The following PCNT variants were observed in gnomAD, a reference collection of about 807,000 sequenced individuals.
PCNT encodes pericentrin, also known as kendrin.
In PCNT, 319 loss-of-function variants were observed where a neutral mutation model predicts 380.4. The ratio of observed to expected loss-of-function variants is 0.84; its 90% confidence interval spans 0.77 to 0.92. The LOEUF (loss-of-function observed/expected upper bound fraction) is 0.92. PCNT is among the 40% of genes least tolerant of loss of function. PCNT has a pLI of 0.00. For missense variants in PCNT, 4,400 were observed against 4,255.3 expected, an observed-to-expected ratio of 1.03 and a Z score of -0.95; for synonymous variants, 1,845 against 1,735.2, an observed-to-expected ratio of 1.06 and a Z score of -1.57.
In PCNT at chr21:46,393,295, T is replaced by C. The variant is rs560573870; in HGVS notation, c.4216+1919T>C. On this transcript the variant is annotated intron_variant, in intron 21 of 46. Coordinates refer to ENST00000359568, the MANE Select transcript of PCNT (RefSeq NM_006031.6). ...GTTTCTTTTCCTTTGACGCCCTCGTTTTCCTGCATCTCCTCAGGATTTTTC... is the reference window on the plus strand; with the variant it reads ...GTTTCTTTTCCTTTGACGCCCTCGTCTTCCTGCATCTCCTCAGGATTTTTC... Among the ~76,000 whole-genome samples, 3 of 152,338 alleles carry C rather than the reference T, an allele frequency of 2.0e-5. No homozygotes were observed. The South Asian group carries it at 6.2e-4, about 32-fold the overall frequency.
Position 46,354,026 on chromosome 21 carries a change from A to G in PCNT, c.1719A>G (p.Gly573=). ...GTTTAGAAGAGAAACCTGAGAAAGG[A>G]AGAAAAGATCACGTTGATGAACTCG... ...CVGLEEKPEK[G]RKDHVDELEP... The change falls in exon 11 of 47, where the codon GGA becomes GGG. Residue 573 remains glycine (G), a synonymous_variant. Coordinates refer to ENST00000359568, the MANE Select transcript of PCNT (RefSeq NM_006031.6). 1.9e-6 allele frequency: 3 copies of G among 1,614,154 alleles called. No individual in the cohort carries two copies. Among genetic ancestry groups the G allele is most frequent in the Non-Finnish European group, 2.5e-6 (3 of 1,179,998 alleles).
chr21:46,362,564 T>G (rs1316579118), intron 13 of PCNT, among the ~76,000 whole-genome samples: 1 of 152,100 alleles, frequency 6.6e-6, no homozygotes, highest in Non-Finnish European at 1.5e-5. Flanking sequence ...GGAGTTGAGG[T>G]CAATCTTACG....
rs149949585 is a variant in PCNT at position 46,349,180 on chromosome 21, G to T, written c.1201G>T (p.Ala401Ser). The T allele has an allele frequency of 6.2e-7, 1 of 1,613,408 alleles. No homozygotes were observed. The highest frequency in any genetic ancestry group is 1.3e-5 in the African/African-American group (1 of 75,032). Residue 401 changes from alanine (A) to serine (S), a missense_variant, in exon 7 of 47, where the codon GCT (alanine) becomes TCT (serine). Transcript: ENST00000359568. ...GAAGATTTTTCAAGACAAAAACCAG[G>T]CTGAACGTAAGTAATGAAAATGAGC... ...LEKIFQDKNQAERALRNLESH... is the reference protein window; with the variant it reads ...LEKIFQDKNQSERALRNLESH...
chr21:46,335,715 C>T lies in PCNT; in HGVS notation c.639+947C>T, dbSNP rs572732276. On this transcript the variant is annotated intron_variant, in intron 3 of 46. Coordinates refer to ENST00000359568, the MANE Select transcript of PCNT (RefSeq NM_006031.6). Reference sequence around the variant, plus strand: ...TTTTTTTTTTTTTTTTAAATAGAGACGGAGTCTTGCTCTATTGCCCAGGCT... The same window carrying T: ...TTTTTTTTTTTTTTTTAAATAGAGATGGAGTCTTGCTCTATTGCCCAGGCT... 1.5e-4 allele frequency among the ~76,000 whole-genome samples: 22 copies of T among 146,244 alleles called. 1 individual carries two copies. The South Asian group carries it at 4.3e-3, about 29-fold the overall frequency.
At chr21:46,337,029 G>T (rs1304516339) in intron 3 of PCNT, among the ~76,000 whole-genome samples, 1 of 150,998 alleles carries the variant, frequency 6.6e-6, no homozygotes, top group African/African-American at 2.4e-5. Flanking sequence ...AGACAGTCTC[G>T]CTCTGTTGCC....
Position 46,445,689 on chromosome 21 carries a change from A to G in PCNT, c.*362A>G. 2 of 225,668 alleles carry G rather than the reference A, an allele frequency of 8.9e-6. No individual in the cohort carries two copies. The highest frequency in any genetic ancestry group is 1.2e-4 in the South Asian group (1 of 8,556). 14.0% of individuals were successfully genotyped at this position (225,668 alleles called of 1,614,324 possible). A position where few individuals can be genotyped will look rare whatever the true frequency, so the allele number is the denominator to read the frequency against. On this transcript the variant is annotated 3_prime_UTR_variant, in exon 47 of 47. Transcript: ENST00000359568. ...TGTTTTGTTTATTTTCTTAACGTGT[A>G]CAGATGGAAACTTCATTTAAAAATA... is the stretch of plus-strand genomic sequence containing the variant.
In PCNT at chr21:46,425,784, G is replaced by A. The variant is rs551026492; in HGVS notation, c.7180-47G>A. 12 of 1,610,992 alleles carry A rather than the reference G, an allele frequency of 7.4e-6. No individual in the cohort carries two copies. The African/African-American group carries it at 1.5e-4, about 20-fold the overall frequency. Reference sequence around the variant, plus strand: ...GCCGCAGGTGGTGTAGAGCGTGGCTGTGTGGGGTGGCAGGCAACTCCCTTC... The same window carrying A: ...GCCGCAGGTGGTGTAGAGCGTGGCTATGTGGGGTGGCAGGCAACTCCCTTC... On this transcript the variant is annotated intron_variant, in intron 32 of 46. Transcript: ENST00000359568. The surrounding 1 kb of genome is among the most constrained non-coding windows in gnomAD (Gnocchi z 4.2).
At chr21:46,408,605 G>A (rs2086688419) in intron 27 of PCNT, among the ~76,000 whole-genome samples, 2 of 152,074 alleles carry the variant, frequency 1.3e-5, no homozygotes, top group South Asian at 4.2e-4. Flanking sequence ...TAGATATGTA[G>A]TGGTATATCC....
At chr21:46,334,941 G>A (rs542522012) in intron 3 of PCNT, among the ~76,000 whole-genome samples, 173 bp downstream of exon 3, 2 of 152,328 alleles carry the variant, frequency 1.3e-5, no homozygotes, top group South Asian at 2.1e-4. Flanking sequence ...CCCACGTGCT[G>A]CCGCCTGCAC....
At chr21:46,415,900 G>A (rs532317148) in intron 29 of PCNT, among the ~76,000 whole-genome samples, 169 bp from the exon 30 acceptor site, 2 of 152,270 alleles carry the variant, frequency 1.3e-5, no homozygotes, top group South Asian at 2.1e-4. Flanking sequence ...GGAGATGTAA[G>A]CCTTGGTTCT....
chr21:46,365,573 T>G (rs1398320853), intron 14 of PCNT, among the ~76,000 whole-genome samples: 2 of 149,022 alleles, frequency 1.3e-5, no homozygotes, highest in Non-Finnish European at 3.0e-5. Context: ...TTCTGTTCAC[T>G]CCCATGGGGT....
At chr21:46,431,472 A>T in intron 37 of PCNT, 57 bp from the exon 38 acceptor site, 1 of 1,613,360 alleles carries the variant, frequency 6.2e-7, no homozygotes, top group Non-Finnish European at 8.5e-7. Context: ...CAGGAAAACC[A>T]TGTAGACACT....
At chr21:46,327,000 G>A (rs796733038) in intron 2 of PCNT, among the ~76,000 whole-genome samples, 15 of 149,768 alleles carry the variant, frequency 1.0e-4, no homozygotes, top group African/African-American at 3.4e-4. Context: ...GTGACAGAGC[G>A]AGACTCTCTC....
At chr21:46,396,985 G>T (rs545507371) in intron 21 of PCNT, among the ~76,000 whole-genome samples, 2 of 152,076 alleles carry the variant, frequency 1.3e-5, no homozygotes, top group Admixed American at 1.3e-4. Flanking sequence ...ACCGTCCGTC[G>T]TCTGCTGGGA....
intron 39 of PCNT, 112 bp downstream of exon 39, chr21:46,436,260 T>G (rs2053443945): frequency 9.7e-6 from 12 of 1,236,522 alleles, no homozygotes; most frequent in Non-Finnish European, 1.4e-5. Flanking sequence ...TCCTTTGCAC[T>G]TAACGCTCTA....
At chr21:46,399,843 C>A in intron 25 of PCNT, 47 bp downstream of exon 25, 1 of 1,508,882 alleles carries the variant, frequency 6.6e-7, no homozygotes, top group Non-Finnish European at 9.2e-7. Context: ...AGGTGTCCCG[C>A]AGGCATGGCT....
intron 3 of PCNT, among the ~76,000 whole-genome samples, chr21:46,341,568 T>C (rs1355812404): frequency 6.6e-6 from 1 of 152,128 alleles, no homozygotes; most frequent in Admixed American, 6.6e-5. Context: ...GATCTCACTA[T>C]ATTGACCAGG....
chr21:46,402,555 C>G, intron 27 of PCNT, 72 bp downstream of exon 27: 1 of 1,529,322 alleles, frequency 6.5e-7, no homozygotes, highest in Non-Finnish European at 9.1e-7. Context: ...CCACCAAGAC[C>G]CTCATCGGGG....
chr21:46,384,118 A>C (rs1224444029), intron 16 of PCNT, among the ~76,000 whole-genome samples: 1 of 128,898 alleles, frequency 7.8e-6, no homozygotes, highest in Non-Finnish European at 1.6e-5. Context: ...GCGCATTCAC[A>C]GTGTTGTATA....
Sources: allele counts gnomAD v4.1 joint callset (sites outside exome capture counted in the v4.1 genomes callset), GRCh38; gene constraint gnomAD v4.1.1; non-coding constraint Gnocchi (gnomAD v3.1); transcripts MANE v1.5; gene names NCBI Gene and HGNC (gene_info 2026-07-23, HGNC 2026-07-21).